The following CEP83 variants were observed in gnomAD, a reference collection of about 807,000 sequenced individuals.
The protein encoded by CEP83 is centrosomal protein 83.
In CEP83, 70 loss-of-function variants were observed where a neutral mutation model predicts 101.9. The ratio of observed to expected loss-of-function variants is 0.69; its 90% CI spans 0.57 to 0.84. The LOEUF is 0.84. CEP83 is among the 40% of genes least tolerant of loss of function. The probability of loss-of-function intolerance (pLI) is 0.00; values close to 1 mark genes in which losing one functional copy is unlikely to be tolerated. For missense variants in CEP83, 715 were observed against 787.2 expected (o/e 0.91, Z 1.10); for synonymous variants, 264 against 267.9 (o/e 0.99, Z 0.14).
At chr12:94,282,675 A>G in the CEP83 span, 3 of 288,996 alleles carry the variant, frequency 1.0e-5, no homozygotes, top group Non-Finnish European at 2.0e-5. Flanking sequence ...AACCCAGGAA[A>G]AAAGTCTAGG....
At chr12:94,386,384 C>T (rs2062148260) in intron 6 of CEP83, among the ~76,000 whole-genome samples, 1 of 152,236 alleles carries the variant, frequency 6.6e-6, no homozygotes, top group Non-Finnish European at 1.5e-5. Context: ...TTCCTCCACA[C>T]ATGCGCTAAT....
At chr12:94,427,463 C>T (rs2065288444) in intron 2 of CEP83, among the ~76,000 whole-genome samples, 2 of 152,220 alleles carry the variant, frequency 1.3e-5, no homozygotes, top group Non-Finnish European at 1.5e-5. Context: ...TACATAATCA[C>T]ATCCACGTGT....
At chr12:94,455,112 C>A (rs911217975) in intron 1 of CEP83, among the ~76,000 whole-genome samples, 8 of 152,186 alleles carry the variant, frequency 5.3e-5, no homozygotes, top group African/African-American at 1.9e-4. Flanking sequence ...CAAGAACCCA[C>A]CAGAATGAAC....
At chr12:94,431,508 C>A (rs1010053001) in intron 2 of CEP83, among the ~76,000 whole-genome samples, 7 of 151,894 alleles carry the variant, frequency 4.6e-5, no homozygotes, top group Admixed American at 3.3e-4. Context: ...GAAGAAAAAA[C>A]CCACTGAATG....
chr12:94,322,297 T>G (rs1046622280), intron 14 of CEP83, among the ~76,000 whole-genome samples: 2 of 152,194 alleles, frequency 1.3e-5, no homozygotes, highest in Non-Finnish European at 2.9e-5. Context: ...CCCCTCTCTT[T>G]GGGAGCTCTG....
chr12:94,313,221 C>A, intron 14 of CEP83: 1 of 312,228 alleles, frequency 3.2e-6, no homozygotes, highest in Non-Finnish European at 5.8e-6. Context: ...CTCAATGTGA[C>A]AATTAATTAT....
intron 4 of CEP83, 104 bp from the exon 5 acceptor site, chr12:94,403,366 T>G (rs2063363033): frequency 1.7e-6 from 1 of 581,874 alleles, no homozygotes; most frequent in African/African-American, 1.9e-5. Flanking sequence ...TTCATGAAAG[T>G]TTTTGCAATA....
intron 14 of CEP83, among the ~76,000 whole-genome samples, chr12:94,320,593 A>T (rs1331916885): frequency 6.6e-6 from 1 of 152,112 alleles, no homozygotes; most frequent in Non-Finnish European, 1.5e-5. Context: ...GCATTTGCTT[A>T]TCTAAAACTC....
intron 11 of CEP83, among the ~76,000 whole-genome samples, chr12:94,367,157 T>C (rs2061064822): frequency 6.6e-6 from 1 of 152,050 alleles, no homozygotes; most frequent in Admixed American, 6.5e-5. Context: ...ATACTAAAAT[T>C]AATGGAAGAT....
chr12:94,334,186 T>G (rs920111270), intron 12 of CEP83, among the ~76,000 whole-genome samples: 1 of 152,138 alleles, frequency 6.6e-6, no homozygotes, highest in Non-Finnish European at 1.5e-5. Context: ...TTTTAAAAGG[T>G]TTCCAAACCT....
chr12:94,300,963 A>C, the CEP83 span: 1 of 1,613,506 alleles, frequency 6.2e-7, no homozygotes, highest in Middle Eastern at 1.7e-4. Flanking sequence ...TTTGTCTTTG[A>C]CATTAAGAAG....
chr12:94,268,067 C>T, the CEP83 span, among the ~76,000 whole-genome samples: 1 of 152,276 alleles, frequency 6.6e-6, no homozygotes, highest in East Asian at 1.9e-4. Context: ...CCTCACGAAC[C>T]ACTTGAAATG....
chr12:94,350,157 T>C (rs2060135693), intron 11 of CEP83, among the ~76,000 whole-genome samples: 2 of 152,158 alleles, frequency 1.3e-5, no homozygotes, highest in Admixed American at 6.5e-5. Context: ...AAAATTCGTA[T>C]GGAATCTCAA....
At chr12:94,430,090 C>T (rs2065508035) in intron 2 of CEP83, among the ~76,000 whole-genome samples, 1 of 152,000 alleles carries the variant, frequency 6.6e-6, no homozygotes, top group Non-Finnish European at 1.5e-5. Context: ...GCCTCACCCA[C>T]CCCCCATGCC....
intron 14 of CEP83, among the ~76,000 whole-genome samples, chr12:94,327,046 C>T (rs919939268): frequency 1.3e-5 from 2 of 152,124 alleles, no homozygotes; most frequent in Admixed American, 6.5e-5. Flanking sequence ...GGTTTGAAGC[C>T]TAAGTGACTG....
chr12:94,454,666 A>C (rs1457823498), intron 1 of CEP83, among the ~76,000 whole-genome samples: 2 of 152,170 alleles, frequency 1.3e-5, no homozygotes, highest in African/African-American at 4.8e-5. Context: ...CTTCGCAATA[A>C]ATCTTGCTGC....
chr12:94,288,448 T>C, the CEP83 span, among the ~76,000 whole-genome samples: 3 of 152,194 alleles, frequency 2.0e-5, no homozygotes, highest in African/African-American at 7.2e-5. Flanking sequence ...CTCAGGGCTA[T>C]CACTAATAGG....
chr12:94,420,537 TAAACTTTCTTA>T (rs2064645514), intron 2 of CEP83, among the ~76,000 whole-genome samples: 1 of 152,220 alleles, frequency 6.6e-6, no homozygotes, highest in South Asian at 2.1e-4. Flanking sequence ...TACAAATTCA[TAAACTTTCTTA>T]AAACCTTATG....
chr12:94,441,359 G>A (rs1051253665), intron 1 of CEP83, among the ~76,000 whole-genome samples: 1 of 152,100 alleles, frequency 6.6e-6, no homozygotes, highest in Non-Finnish European at 1.5e-5. Context: ...CAAAAATTAG[G>A]GAAAGGACAT....
Sources: gnomAD v4.1 joint callset for allele counts (sites outside exome capture counted in the v4.1 genomes callset) on GRCh38, gnomAD v4.1.1 for gene constraint, MANE v1.5 for transcripts, NCBI Gene and HGNC (gene_info 2026-07-23, HGNC 2026-07-21) for gene names.